UBE2W: variants seen among roughly 807,000 people sequenced by gnomAD.
UBE2W encodes the protein ubiquitin-conjugating enzyme E2 W.
In UBE2W, 18 loss-of-function variants were observed where a neutral mutation model predicts 27.2. That is an observed-to-expected ratio of 0.66 (90% confidence interval 0.46 to 0.98). The LOEUF is 0.98. UBE2W is among the 50% of genes least tolerant of loss of function. UBE2W has a pLI of 0.00. For synonymous variants in UBE2W, 53 were observed against 57.2 expected (o/e 0.93, Z 0.33); for missense variants, 90 against 180.2 (o/e 0.50, Z 2.87).
chr8:73,803,197 C>G (rs907775455), intron 5 of UBE2W, among the ~76,000 whole-genome samples: 4 of 152,054 alleles, frequency 2.6e-5, no homozygotes, highest in African/African-American at 7.2e-5. Flanking sequence ...GCCTGGGCAA[C>G]AGAGCGAGAC....
intron 3 of UBE2W, among the ~76,000 whole-genome samples, chr8:73,822,164 A>G (rs1809641764): frequency 1.3e-5 from 2 of 152,136 alleles, no homozygotes; most frequent in African/African-American, 2.4e-5. Flanking sequence ...ACCCCTCCTG[A>G]GGAAATCTCA....
At chr8:73,867,685 G>C (rs577281960) in intron 1 of UBE2W, among the ~76,000 whole-genome samples, 1 of 150,092 alleles carries the variant, frequency 6.7e-6, no homozygotes, top group South Asian at 2.1e-4. Flanking sequence ...CCACTCCAGC[G>C]TGAGTGACGG....
intron 1 of UBE2W, among the ~76,000 whole-genome samples, chr8:73,878,315 G>A (rs966445997): frequency 6.6e-6 from 1 of 152,244 alleles, no homozygotes; most frequent in Non-Finnish European, 1.5e-5. Context: ...CCGGAGCAGA[G>A]GCCGCTAAGC....
At chr8:73,812,980 G>A (rs1023945247) in intron 3 of UBE2W, among the ~76,000 whole-genome samples, 10 of 147,182 alleles carry the variant, frequency 6.8e-5, no homozygotes, top group Non-Finnish European at 4.5e-5. Flanking sequence ...ACTCCAGCCT[G>A]GGCGACAAGA....
At chr8:73,798,002 T>C (rs913936745) in intron 5 of UBE2W, among the ~76,000 whole-genome samples, 3 of 152,188 alleles carry the variant, frequency 2.0e-5, no homozygotes, top group African/African-American at 7.2e-5. Context: ...TAAAATGCTG[T>C]ATAGGTCCAG....
At chr8:73,824,945 C>T (rs1350375926) in intron 3 of UBE2W, among the ~76,000 whole-genome samples, 8 of 152,150 alleles carry the variant, frequency 5.3e-5, no homozygotes, top group African/African-American at 1.4e-4. Context: ...ACAAATGAAA[C>T]AATTTTAGAA....
downstream of UBE2W, among the ~76,000 whole-genome samples, chr8:73,781,929 C>CT (rs71269945): frequency 1.4e-3 from 138 of 95,998 alleles, 7 homozygotes; most frequent in African/African-American, 3.3e-3. Flanking sequence ...TAAAAGCCTC[C>CT]TTTTTTTTTT....
chr8:73,867,331 T>C (rs560508488), intron 1 of UBE2W, among the ~76,000 whole-genome samples: 4 of 152,086 alleles, frequency 2.6e-5, no homozygotes, highest in South Asian at 2.1e-4. Context: ...GCTCAAGAGA[T>C]AGAGACTATC....
chr8:73,799,545 T>G (rs193094873), intron 5 of UBE2W, among the ~76,000 whole-genome samples: 1 of 152,194 alleles, frequency 6.6e-6, no homozygotes, highest in Non-Finnish European at 1.5e-5. Context: ...TTTCATTAAC[T>G]GTGCCTCCAT....
intron 2 of UBE2W, among the ~76,000 whole-genome samples, chr8:73,825,670 G>A (rs1027251385): frequency 6.6e-6 from 1 of 152,100 alleles, no homozygotes; most frequent in African/African-American, 2.4e-5. Flanking sequence ...GCATGGTGGT[G>A]TGCACCTGTA....
chr8:73,854,462 G>C (rs568237123), intron 1 of UBE2W, among the ~76,000 whole-genome samples: 17 of 152,226 alleles, frequency 1.1e-4, no homozygotes, highest in African/African-American at 3.9e-4. Flanking sequence ...AACATCTGGT[G>C]ATTTGTATTA....
At chr8:73,783,570 C>T (rs1203753956), downstream of UBE2W, among the ~76,000 whole-genome samples, 3 of 152,204 alleles carry the variant, frequency 2.0e-5, no homozygotes, top group African/African-American at 7.2e-5. Flanking sequence ...ATATTATAAT[C>T]AATTCAAGCC....
intron 4 of UBE2W, among the ~76,000 whole-genome samples, chr8:73,809,584 T>C (rs761566917): frequency 1.4e-4 from 22 of 152,170 alleles, no homozygotes; most frequent in Non-Finnish European, 1.3e-4. Context: ...ATTTTAAATT[T>C]ATTTCATTAT....
intron 2 of UBE2W, among the ~76,000 whole-genome samples, chr8:73,829,139 G>C (rs1026794119): frequency 6.6e-6 from 1 of 151,992 alleles, no homozygotes; most frequent in Non-Finnish European, 1.5e-5. Flanking sequence ...TATAATTTGT[G>C]GTATAACTAC....
intron 1 of UBE2W, among the ~76,000 whole-genome samples, chr8:73,840,096 G>A (rs532156321): frequency 4.7e-5 from 7 of 149,890 alleles, no homozygotes; most frequent in South Asian, 2.1e-4. Context: ...TTGCTCTGTC[G>A]CCCAGGCTGG....
chr8:73,830,460 T>C lies in UBE2W; in HGVS notation c.28A>G (p.Lys10Glu). The change falls in exon 2 of 6, where the codon AAA becomes GAA. Residue 10 changes from lysine (K) to glutamate (E), a missense_variant. Transcript: ENST00000602593. ...TCATTTTGCAAAGCCAACAGTTCTTTCTGTAGTCGTTTCTAGAAAAGAACA... is the reference window on the plus strand; with the variant it reads ...TCATTTTGCAAAGCCAACAGTTCTTCCTGTAGTCGTTTCTAGAAAAGAACA... MASMQKRLQ[K>E]ELLALQNDPP... 6.2e-7 allele frequency: 1 copy of C among 1,613,768 alleles called. No homozygotes were observed. The highest frequency in any genetic ancestry group is 8.5e-7 in the Non-Finnish European group (1 of 1,179,678).
chr8:73,866,007 G>C (rs1483992426), intron 1 of UBE2W, among the ~76,000 whole-genome samples: 3 of 152,060 alleles, frequency 2.0e-5, no homozygotes, highest in African/African-American at 7.2e-5. Context: ...ACCAGGAGCA[G>C]TGGCTCATGC....
chr8:73,825,290 G>GA (rs1428295116), intron 2 of UBE2W, 41 bp from the exon 3 acceptor site: 1 of 1,425,940 alleles, frequency 7.0e-7, no homozygotes, highest in Admixed American at 2.2e-5. Flanking sequence ...AGATAATAGA[G>GA]ACTGGGGTAA....
At chr8:73,825,860 C>T (rs1000741702) in intron 2 of UBE2W, among the ~76,000 whole-genome samples, 1 of 152,140 alleles carries the variant, frequency 6.6e-6, no homozygotes, top group Non-Finnish European at 1.5e-5. Flanking sequence ...TGTGCTCCTC[C>T]TAATTGATTT....
Sources: allele counts gnomAD v4.1 joint callset (sites outside exome capture counted in the v4.1 genomes callset), GRCh38; gene constraint gnomAD v4.1.1; transcripts MANE v1.5; gene names NCBI Gene and HGNC (gene_info 2026-07-23, HGNC 2026-07-21).